The following RBM27 variants were observed in gnomAD, a reference collection of about 807,000 sequenced individuals.
The protein encoded by RBM27 is RNA-binding protein 27.
Under a neutral mutation model 135.3 loss-of-function variants are expected in RBM27, and 22 were observed. That is an observed-to-expected ratio of 0.16 (90% CI 0.12 to 0.23). The LOEUF is 0.23. RBM27 is among the 10% of genes least tolerant of loss of function. The probability of loss-of-function intolerance (pLI) is 1.00; values close to 1 mark genes in which losing one functional copy is unlikely to be tolerated. For missense variants in RBM27, 1,009 were observed against 1,281.0 expected (o/e 0.79, Z 3.24); for synonymous variants, 481 against 442.4 (o/e 1.09, Z -1.10).
intron 1 of RBM27, among the ~76,000 whole-genome samples, chr5:146,214,261 CAT>C (rs536503542): frequency 1.1e-3 from 163 of 152,262 alleles, no homozygotes; most frequent in African/African-American, 3.0e-3. Context: ...TGTCTAGAGA[CAT>C]GTGTATTTTG....
chr5:146,271,280 A>G (rs535507466), intron 18 of RBM27, among the ~76,000 whole-genome samples: 1 of 152,110 alleles, frequency 6.6e-6, no homozygotes, highest in South Asian at 2.1e-4. Context: ...CTTGCCTGTA[A>G]TCCCAGCTGC....
At chr5:146,265,886 G>A (rs546048119) in intron 14 of RBM27, among the ~76,000 whole-genome samples, 68 of 152,186 alleles carry the variant, frequency 4.5e-4, no homozygotes, top group African/African-American at 1.6e-3. Flanking sequence ...TCCTGCATTT[G>A]AATAGAAACT....
chr5:146,253,223 CCT>C (rs1757969211), intron 9 of RBM27, among the ~76,000 whole-genome samples: 1 of 152,106 alleles, frequency 6.6e-6, no homozygotes, highest in African/African-American at 2.4e-5. Flanking sequence ...GTCTCGAACT[CCT>C]GACCTCGTGA....
rs539140482 is a variant in RBM27, at chr5:146,286,122, T to A, written c.*92T>A. The A allele has an allele frequency of 3.6e-5, 41 of 1,132,592 alleles. No homozygotes were observed. The highest frequency in any genetic ancestry group is 2.2e-4 in the African/African-American group (14 of 62,620). 70.2% of individuals were successfully genotyped at this position (1,132,592 alleles called of 1,614,324 possible). On this transcript the variant is annotated 3_prime_UTR_variant, in exon 21 of 21. Transcript: ENST00000265271. ...AAAGAAGTCAATGAGCCAAAAAAAA[T>A]TTTTTTATTTTTCTTTTCAACACAG...
chr5:146,226,323 T>A (rs1756676473), intron 3 of RBM27, among the ~76,000 whole-genome samples: 1 of 152,188 alleles, frequency 6.6e-6, no homozygotes, highest in South Asian at 2.1e-4. Context: ...TTTAGATGTA[T>A]CTGTTTGAGA....
At chr5:146,281,979 A>AT (rs1759373273) in intron 19 of RBM27, among the ~76,000 whole-genome samples, 2 of 148,554 alleles carry the variant, frequency 1.3e-5, no homozygotes, top group African/African-American at 4.9e-5. Flanking sequence ...TTGTATCAAT[A>AT]TACCACAGTT....
chr5:146,278,533 TA>T (rs1427723414), intron 19 of RBM27, among the ~76,000 whole-genome samples: 3 of 152,192 alleles, frequency 2.0e-5, no homozygotes, highest in African/African-American at 7.2e-5. Context: ...CTCTCTTTTA[TA>T]AAAATGGTAG....
intron 11 of RBM27, 130 bp from the exon 12 acceptor site, chr5:146,260,615 T>C: frequency 1.5e-6 from 1 of 649,268 alleles, no homozygotes. Flanking sequence ...TCTGGGATTA[T>C]AGGTGGAGCC....
intron 14 of RBM27, among the ~76,000 whole-genome samples, chr5:146,264,428 C>A (rs1204292974): frequency 1.3e-5 from 2 of 151,926 alleles, no homozygotes; most frequent in Admixed American, 6.6e-5. Context: ...GTGATCCACC[C>A]CAGAGTGCTG....
intron 2 of RBM27, among the ~76,000 whole-genome samples, chr5:146,222,156 T>C (rs983057442): frequency 2.6e-5 from 4 of 152,234 alleles, no homozygotes; most frequent in African/African-American, 9.6e-5. Flanking sequence ...TTATATGTAA[T>C]AGTCAATGAG....
At chr5:146,215,981 C>T (rs1756172368) in intron 1 of RBM27, among the ~76,000 whole-genome samples, 1 of 152,072 alleles carries the variant, frequency 6.6e-6, no homozygotes, top group South Asian at 2.1e-4. Context: ...GAACTCCTGA[C>T]CTCGTGATCC....
Position 146,252,141 on chromosome 5 carries a change from G to A in RBM27, c.1444+266G>A, listed in dbSNP as rs567823292. On this transcript the variant is annotated intron_variant, in intron 9 of 20. Transcript: ENST00000265271. The stretch of plus-strand genomic sequence containing the variant: ...AAAGTGATGCTAGTTCCTTGAGCTA[G>A]TTTCTAATCAGGTAGATAGAAAGAT... 2.6e-5 allele frequency among the ~76,000 whole-genome samples: 4 copies of A among 152,270 alleles called. No individual in the cohort carries two copies. In the South Asian group the frequency reaches 8.3e-4, roughly 32 times the overall value.
chr5:146,228,617 T>G (rs188634222), intron 3 of RBM27, among the ~76,000 whole-genome samples: 1 of 151,662 alleles, frequency 6.6e-6, no homozygotes, highest in African/African-American at 2.4e-5. Flanking sequence ...TTTGTTTGTT[T>G]TTGAGAAAGG....
At chr5:146,260,025 C>T (rs368466484) in intron 11 of RBM27, among the ~76,000 whole-genome samples, 40 of 140,816 alleles carry the variant, frequency 2.8e-4, no homozygotes, top group African/African-American at 9.5e-4. Context: ...GTTGGCCGGG[C>T]GTAGTGGCTC....
chr5:146,203,925 C>A, intron 1 of RBM27, 101 bp downstream of exon 1: 1 of 1,176,122 alleles, frequency 8.5e-7, no homozygotes, highest in African/African-American at 1.6e-5. Context: ...GCTGAGGGGC[C>A]GCGGCCGGGA....
intron 19 of RBM27, among the ~76,000 whole-genome samples, chr5:146,282,279 T>G (rs983381944): frequency 7.2e-5 from 11 of 152,352 alleles, no homozygotes; most frequent in East Asian, 1.9e-4. Flanking sequence ...GTGTTAGGAT[T>G]ACAGGCGTGA....
At position 146,284,879 on chromosome 5, in the gene RBM27, T is replaced by C. The variant is rs867586909; in HGVS notation, c.3099+147T>C. The C allele has an allele frequency of 1.7e-5, 9 of 539,534 alleles. No homozygotes were observed. In the African/African-American group the frequency reaches 1.7e-4, roughly 10 times the overall value. 33.4% of individuals were successfully genotyped at this position (539,534 alleles called of 1,614,324 possible). On this transcript the variant is annotated intron_variant, in intron 20 of 20. Transcript: ENST00000265271. ...ACCCGTTTAGATGTTTATTAGAGAA[T>C]TAAAACAGGTCTAGAGATATAAGAA...
At position 146,278,529 on chromosome 5, in the gene RBM27, T is replaced by C. The variant is rs532434632; in HGVS notation, c.2989-6093T>C. On this transcript the variant is annotated intron_variant, in intron 19 of 20. Transcript: ENST00000265271. ...TCTATATATATTATTTGTTCTCTCT[T>C]TTATAAAAATGGTAGCATGTTATAC... 5.5e-4 allele frequency among the ~76,000 whole-genome samples: 84 copies of C among 152,270 alleles called. 2 individuals are homozygous for C. Among genetic ancestry groups the C allele is most frequent in the Admixed American group, 5.5e-3 (84 of 15,300 alleles).
chr5:146,264,270 A>G (rs190356478), intron 14 of RBM27, among the ~76,000 whole-genome samples: 1 of 151,932 alleles, frequency 6.6e-6, no homozygotes, highest in African/African-American at 2.4e-5. Flanking sequence ...CGCAACCTCC[A>G]CCTCCTGGGT....
Sources: allele counts gnomAD v4.1 joint callset (sites outside exome capture counted in the v4.1 genomes callset), GRCh38; gene constraint gnomAD v4.1.1; transcripts MANE v1.5; gene names NCBI Gene and HGNC (gene_info 2026-07-23, HGNC 2026-07-21).